The following DSCAM variants were observed in gnomAD, a reference collection of about 807,000 sequenced individuals.
DSCAM encodes cell adhesion molecule DSCAM.
DSCAM carries 47 observed loss-of-function variants against 217.7 expected under a neutral mutation model. The observed-to-expected ratio is 0.22, with a 90% confidence interval of 0.17 to 0.28. The LOEUF is 0.28. DSCAM is among the 10% of genes least tolerant of loss of function. The probability of loss-of-function intolerance (pLI) is 1.00; values close to 1 mark genes in which losing one functional copy is unlikely to be tolerated. For synonymous variants in DSCAM, 1,056 were observed against 1,015.3 expected (o/e 1.04, Z -0.76); for missense variants, 2,080 against 2,618.3 (o/e 0.79, Z 4.49).
chr21:40,353,390 C>G, intron 5 of DSCAM, 75 bp downstream of exon 5: 1 of 1,559,344 alleles, frequency 6.4e-7, no homozygotes, highest in Non-Finnish European at 8.6e-7. Context: ...ACAGAGAAAA[C>G]ATGGAGATTT....
intron 3 of DSCAM, among the ~76,000 whole-genome samples, chr21:40,601,720 A>G (rs73368916): frequency 0.016 from 2,383 of 152,246 alleles, 70 homozygotes; most frequent in African/African-American, 0.054. Flanking sequence ...TTTATCATAA[A>G]TAAGTGCCGG....
chr21:40,530,915 ATTC>A lies in DSCAM; in HGVS notation c.509-161673_509-161671del, dbSNP rs2076440085. Among the ~76,000 whole-genome samples the A allele has an allele frequency of 1.7e-4, 14 of 81,388 alleles. No homozygotes were observed. The Admixed American group carries it at 1.9e-3, about 11-fold the overall frequency. The allele number at this position is 81,388 out of a possible 152,430, so 53.4% of individuals were successfully genotyped here. Reference sequence around the variant, plus strand: ...CATCCATCCATCCATCCATCCATCCATTCAACCATCCATCCATCCATCCATCCA... The same window carrying A: ...CATCCATCCATCCATCCATCCATCCAAACCATCCATCCATCCATCCATCCA... On this transcript the variant is annotated intron_variant, in intron 3 of 32. Transcript: ENST00000400454.
chr21:40,244,545 AT>A (rs775381199), intron 11 of DSCAM, among the ~76,000 whole-genome samples: 3 of 151,692 alleles, frequency 2.0e-5, no homozygotes, highest in South Asian at 4.2e-4. Flanking sequence ...CCTGGTTTGC[AT>A]TTTGTTTTCT....
intron 3 of DSCAM, among the ~76,000 whole-genome samples, chr21:40,518,372 A>T (rs1479264140): frequency 9.1e-5 from 3 of 33,104 alleles, no homozygotes; most frequent in Admixed American, 6.5e-4. Context: ...TATATATATA[A>T]TATATATATA....
chr21:40,809,202 C>A (rs2091815434), intron 1 of DSCAM, among the ~76,000 whole-genome samples: 1 of 152,060 alleles, frequency 6.6e-6, no homozygotes, highest in African/African-American at 2.4e-5. Flanking sequence ...ACGATAAAGG[C>A]AAGAGACAAC....
chr21:40,524,737 G>A (rs2076386765), intron 3 of DSCAM, among the ~76,000 whole-genome samples: 1 of 152,116 alleles, frequency 6.6e-6, no homozygotes, highest in African/African-American at 2.4e-5. Context: ...AGGGCCAGGT[G>A]TGGTGGCTCA....
intron 11 of DSCAM, among the ~76,000 whole-genome samples, chr21:40,274,475 C>T (rs924807233): frequency 2.0e-5 from 3 of 152,038 alleles, no homozygotes; most frequent in Non-Finnish European, 2.9e-5. Flanking sequence ...TATATTGGGT[C>T]CTAGATATGT....
intron 4 of DSCAM, among the ~76,000 whole-genome samples, chr21:40,359,717 A>C (rs1601584560): frequency 6.6e-6 from 1 of 152,326 alleles, no homozygotes; most frequent in Middle Eastern, 3.4e-3. Flanking sequence ...CCATATATCA[A>C]TTTATGTGAA....
intron 1 of DSCAM, among the ~76,000 whole-genome samples, chr21:40,737,678 G>T (rs2091078823): frequency 6.6e-6 from 1 of 152,170 alleles, no homozygotes; most frequent in Non-Finnish European, 1.5e-5. Context: ...CATGTGTCAT[G>T]ACTATCAGGT....
In DSCAM at chr21:40,655,473, C is replaced by T. The variant is rs192515628; in HGVS notation, c.508+37337G>A. ...TTTTTTTTTTTTTGAGACAGGGTCT[C>T]ACTCTGTCACCCAGGCTGGAGCACA... On this transcript the variant is annotated intron_variant, in intron 3 of 32. Coordinates refer to ENST00000400454, the MANE Select transcript of DSCAM (RefSeq NM_001389.5). Among the ~76,000 whole-genome samples the T allele has an allele frequency of 1.7e-3, 250 of 143,926 alleles. 2 individuals carry two copies. Among genetic ancestry groups the T allele is most frequent in the African/African-American group, 6.3e-3 (241 of 38,282 alleles). The allele number at this position is 143,926 out of a possible 152,430, so 94.4% of individuals were successfully genotyped here. A position where few individuals can be genotyped will look rare whatever the true frequency, so the allele number is the denominator to read the frequency against.
intron 1 of DSCAM, among the ~76,000 whole-genome samples, chr21:40,814,778 G>T (rs1396502056): frequency 6.6e-6 from 1 of 152,158 alleles, no homozygotes; most frequent in Non-Finnish European, 1.5e-5. Flanking sequence ...GAGGCAAGTA[G>T]GTAATCCAGT....
chr21:40,156,134 G>A (rs1270483551), intron 16 of DSCAM, among the ~76,000 whole-genome samples: 1 of 151,772 alleles, frequency 6.6e-6, no homozygotes, highest in Non-Finnish European at 1.5e-5. Context: ...TGTAGGAGGA[G>A]AGGGTAAGTA....
At chr21:40,253,216 C>T (rs1308500721) in intron 11 of DSCAM, among the ~76,000 whole-genome samples, 1 of 152,140 alleles carries the variant, frequency 6.6e-6, no homozygotes, top group Non-Finnish European at 1.5e-5. Flanking sequence ...CTCTGCAAGG[C>T]ATTGGGGAGC....
At chr21:40,261,994 G>A (rs2073458842) in intron 11 of DSCAM, among the ~76,000 whole-genome samples, 1 of 151,700 alleles carries the variant, frequency 6.6e-6, no homozygotes, top group Non-Finnish European at 1.5e-5. Flanking sequence ...GCACCTGAGA[G>A]TTAACTTGAG....
intron 8 of DSCAM, among the ~76,000 whole-genome samples, chr21:40,325,088 G>A (rs952214414): frequency 2.0e-5 from 3 of 152,068 alleles, no homozygotes; most frequent in South Asian, 2.1e-4. Flanking sequence ...TTTTCATGAC[G>A]TTGGCTTAGA....
chr21:40,563,792 T>G (rs1255867514), intron 3 of DSCAM, among the ~76,000 whole-genome samples: 8 of 148,332 alleles, frequency 5.4e-5, no homozygotes, highest in Non-Finnish European at 1.0e-4. Flanking sequence ...GTTTATATGT[T>G]TATATATAGT....
At chr21:40,791,547 C>T (rs866694435) in intron 1 of DSCAM, among the ~76,000 whole-genome samples, 3 of 151,508 alleles carry the variant, frequency 2.0e-5, no homozygotes, top group African/African-American at 4.9e-5. Context: ...CCCAGCTACT[C>T]GGGAGGCTGA....
rs115371061 is a variant in DSCAM, at chr21:40,574,210, C to G, written c.508+118600G>C. The stretch of plus-strand genomic sequence containing the variant: ...AAAAAAGAAAAATATCCCTTATGGT[C>G]CAATACACAAAGATCTATTAAAATA... On this transcript the variant is annotated intron_variant, in intron 3 of 32. Coordinates refer to ENST00000400454, the MANE Select transcript of DSCAM (RefSeq NM_001389.5). Among the ~76,000 whole-genome samples the G allele has an allele frequency of 8.2e-3, 1,239 of 151,960 alleles. 16 individuals carry two copies. Among genetic ancestry groups the G allele is most frequent in the African/African-American group, 0.029 (1,185 of 41,468 alleles).
chr21:40,112,857 C>A (rs1009358567), intron 20 of DSCAM, among the ~76,000 whole-genome samples: 2 of 152,138 alleles, frequency 1.3e-5, no homozygotes, highest in Non-Finnish European at 2.9e-5. Flanking sequence ...CCTCCCAAGA[C>A]TAAACCAGAA....
Sources: gnomAD v4.1 joint callset for allele counts (sites outside exome capture counted in the v4.1 genomes callset) on GRCh38, gnomAD v4.1.1 for gene constraint, MANE v1.5 for transcripts, NCBI Gene and HGNC (gene_info 2026-07-23, HGNC 2026-07-21) for gene names.